ZCCHC14: variants seen among roughly 807,000 people sequenced by gnomAD.
The protein encoded by ZCCHC14 is zinc finger CCHC domain-containing protein 14.
In ZCCHC14, 16 loss-of-function variants were observed where a neutral mutation model predicts 85.0. The ratio of observed to expected loss-of-function variants is 0.19; its 90% CI spans 0.13 to 0.29. The LOEUF (loss-of-function observed/expected upper bound fraction) is 0.29. Ranked by LOEUF, ZCCHC14 falls within the 10% of genes least tolerant of loss-of-function variation. The pLI is 1.00. For missense variants in ZCCHC14, 1,303 were observed against 1,443.5 expected (o/e 0.90, Z 1.58); for synonymous variants, 775 against 630.7 (o/e 1.23, Z -3.43).
At position 87,407,877 on chromosome 16, in the gene ZCCHC14, C is replaced by T. The variant is rs1295602628; in HGVS notation, c.*2403G>A. The T allele has an allele frequency of 2.0e-5, 3 of 152,644 alleles. No individual in the cohort carries two copies. Among genetic ancestry groups the T allele is most frequent in the African/African-American group, 4.8e-5 (2 of 41,432 alleles). 9.5% of individuals were successfully genotyped at this position (152,644 alleles called of 1,614,324 possible). On this transcript the variant is annotated 3_prime_UTR_variant, in exon 13 of 13. Coordinates refer to ENST00000671377, the MANE Select transcript of ZCCHC14 (RefSeq NM_015144.3). ...AACTCTCAAGTCCAAGTGTGCGGCT[C>T]CCTCCGGAAAGAGGCCTCACGGATG...
chr16:87,491,521 T>C lies in ZCCHC14; in HGVS notation c.570+148A>G. 1.6e-6 allele frequency: 1 copy of C among 613,878 alleles called. No homozygotes were observed. Among genetic ancestry groups the C allele is most frequent in the Non-Finnish European group, 2.4e-6 (1 of 410,558 alleles). 38.0% of individuals were successfully genotyped at this position (613,878 alleles called of 1,614,324 possible). A position where few individuals can be genotyped will look rare whatever the true frequency, so the allele number is the denominator to read the frequency against. On this transcript the variant is annotated intron_variant, in intron 1 of 12. Coordinates refer to ENST00000671377, the MANE Select transcript of ZCCHC14 (RefSeq NM_015144.3). The surrounding 1 kb of genome is among the most constrained non-coding windows in gnomAD (Gnocchi z 5.9). ...GGGGCTTGGGATACGGGCTGGGGGCTCGTGGTGCAGGTTGGAGACCTGGGT... is the reference window on the plus strand; with the variant it reads ...GGGGCTTGGGATACGGGCTGGGGGCCCGTGGTGCAGGTTGGAGACCTGGGT...
chr16:87,429,936 G>C (rs1909566267), intron 3 of ZCCHC14, among the ~76,000 whole-genome samples: 1 of 152,172 alleles, frequency 6.6e-6, no homozygotes, highest in Admixed American at 6.5e-5. Flanking sequence ...AAAAAGTTTT[G>C]AGAATTCTTT....
At chr16:87,438,428 T>C (rs1163173736) in intron 2 of ZCCHC14, among the ~76,000 whole-genome samples, 1 of 152,268 alleles carries the variant, frequency 6.6e-6, no homozygotes, top group Non-Finnish European at 1.5e-5. Context: ...GCAATGTGTT[T>C]ACTTTTTTAG....
At chr16:87,489,139 G>C (rs140721447) in intron 1 of ZCCHC14, among the ~76,000 whole-genome samples, 2,505 of 152,324 alleles carry the variant, frequency 0.016, 23 homozygotes, top group Middle Eastern at 0.041. Flanking sequence ...ATCAACGTCA[G>C]CCTTAGCTTT....
At chr16:87,413,020 G>C (rs1031442453) in intron 11 of ZCCHC14, 35 bp downstream of exon 11, 1 of 1,613,928 alleles carries the variant, frequency 6.2e-7, no homozygotes, top group Non-Finnish European at 8.5e-7. Flanking sequence ...CCACAGCTGG[G>C]CCAGGTCGAG....
intron 2 of ZCCHC14, among the ~76,000 whole-genome samples, chr16:87,458,893 C>G (rs574517405): frequency 2.0e-5 from 3 of 152,272 alleles, no homozygotes; most frequent in Admixed American, 6.5e-5. Context: ...CACTGGAAAG[C>G]GCCACCCTGG....
At chr16:87,445,787 AG>A (rs1430860109) in intron 2 of ZCCHC14, among the ~76,000 whole-genome samples, 7 of 152,216 alleles carry the variant, frequency 4.6e-5, no homozygotes, top group African/African-American at 1.7e-4. Context: ...TTTCCAGAAC[AG>A]GGTTGTAGTG....
rs1197022975 is a variant in ZCCHC14 at position 87,412,118 on chromosome 16, G to C, written c.2603C>G (p.Ser868Cys). 6 of 1,613,744 alleles carry C rather than the reference G, an allele frequency of 3.7e-6. No individual in the cohort carries two copies. The highest frequency in any genetic ancestry group is 1.1e-5 in the South Asian group (1 of 91,088). The change falls in exon 12 of 13, where the codon TCC (serine) becomes TGC (cysteine). Residue 868 changes from serine to cysteine, a missense_variant. Physicochemically the swap from Ser to Cys is moderately radical, Grantham distance 112. Transcript: ENST00000671377. ...ATLPSCPAPS[S>C]SPALSSVPES... ...AGGGACGGAGGACAGCGCCGGGCTGGAGCTGGGGGCTGGGCAGCTGGGCAA... is the reference window on the plus strand; with the variant it reads ...AGGGACGGAGGACAGCGCCGGGCTGCAGCTGGGGGCTGGGCAGCTGGGCAA...
intron 3 of ZCCHC14, among the ~76,000 whole-genome samples, chr16:87,431,115 G>A (rs1355381133): frequency 6.6e-6 from 1 of 151,572 alleles, no homozygotes; most frequent in Non-Finnish European, 1.5e-5. Flanking sequence ...CTCCAGCCTG[G>A]TGACAGAGCA....
chr16:87,411,277 C>CACTGGCT, intron 12 of ZCCHC14: 1 of 1,241,602 alleles, frequency 8.1e-7, no homozygotes, highest in South Asian at 1.5e-5. Flanking sequence ...GCCCTGTCCA[C>CACTGGCT]ACTGGCTAAG....
At chr16:87,439,220 G>A (rs191812523) in intron 2 of ZCCHC14, among the ~76,000 whole-genome samples, 329 of 150,702 alleles carry the variant, frequency 2.2e-3, no homozygotes, top group Middle Eastern at 3.4e-3. Flanking sequence ...TGCAACCTCT[G>A]CCTCCGAGGT....
At chr16:87,440,437 T>C (rs1455555329) in intron 2 of ZCCHC14, among the ~76,000 whole-genome samples, 3 of 151,970 alleles carry the variant, frequency 2.0e-5, no homozygotes, top group South Asian at 2.1e-4. Flanking sequence ...AGTGCTGGGA[T>C]TACAGGCATG....
intron 3 of ZCCHC14, among the ~76,000 whole-genome samples, chr16:87,424,704 T>C (rs1229657441): frequency 6.6e-6 from 1 of 152,110 alleles, no homozygotes; most frequent in Non-Finnish European, 1.5e-5. Context: ...AGCGTACTTT[T>C]TGCACATTAG....
In ZCCHC14 at chr16:87,412,294, G is replaced by A. The variant is rs746271176; in HGVS notation, c.2427C>T (p.Pro809=). ...TGTTGGCTGTGTACAGAGCAGTCCG[G>A]GGGTTTATTATTGCAGGGGGCACAC... ...QISVPPAIIN[P]RTALYTANTK... is the part of the protein sequence containing the mutation. The change falls in exon 12 of 13, where the codon CCC becomes CCT. Residue 809 remains proline (P), a synonymous_variant. Transcript: ENST00000671377. 6.2e-6 allele frequency: 10 copies of A among 1,613,842 alleles called. No individual in the cohort carries two copies. The highest frequency in any genetic ancestry group is 7.6e-6 in the Non-Finnish European group (9 of 1,180,054).
Position 87,417,675 on chromosome 16 carries a change from C to T in ZCCHC14, c.1168G>A (p.Ala390Thr). ...TGAGGCAAGGGGGCGGCGGAGCCGG[C>T]CGGGTGCTGCCCGTGGTGCTGGGCT... is the stretch of plus-strand genomic sequence containing the variant. ...SGAQHHGQHP[A>T]GSAAPLPHCS... The change falls in exon 8 of 13, where the codon GCC (alanine) becomes ACC (threonine). Residue 390 changes from alanine (A) to threonine (T), a missense_variant. Ala to Thr is a moderately conservative substitution (Grantham distance 58). This residue lies in a region of ZCCHC14 where 389 missense variants were observed against 397.8 expected (regional missense o/e 0.98). Coordinates refer to ENST00000671377, the MANE Select transcript of ZCCHC14 (RefSeq NM_015144.3). 1 of 1,611,006 alleles carries T rather than the reference C, an allele frequency of 6.2e-7. No homozygotes were observed. The highest frequency in any genetic ancestry group is 8.5e-7 in the Non-Finnish European group (1 of 1,178,962).
intron 2 of ZCCHC14, among the ~76,000 whole-genome samples, chr16:87,455,193 C>A (rs1270571054): frequency 2.6e-5 from 4 of 152,130 alleles, no homozygotes; most frequent in African/African-American, 7.2e-5. Flanking sequence ...GAGGCTGAGG[C>A]AGGAGAATCA....
At chr16:87,418,434 T>C (rs1290134486) in intron 7 of ZCCHC14, among the ~76,000 whole-genome samples, 1 of 152,182 alleles carries the variant, frequency 6.6e-6, no homozygotes, top group Non-Finnish European at 1.5e-5. Context: ...TGTGCACTGA[T>C]CTGTGACAGC....
Position 87,492,856 on chromosome 16 carries a change from G to A in ZCCHC14, c.-618C>T, listed in dbSNP as rs947445885. Among the ~76,000 whole-genome samples, 1 of 148,346 alleles carries A rather than the reference G, an allele frequency of 6.7e-6. No individual in the cohort carries two copies. Among genetic ancestry groups the A allele is most frequent in the Non-Finnish European group, 1.5e-5 (1 of 66,534 alleles). On this transcript the variant is annotated 5_prime_UTR_variant, in exon 1 of 13. Coordinates refer to ENST00000671377, the MANE Select transcript of ZCCHC14 (RefSeq NM_015144.3). This position sits in a 1 kb window ranked among gnomAD's most constrained non-coding sequence, Gnocchi z 6.7. ...GCGGGAGGCGCGGAGGGATCCGGCC[G>A]GGACTTGCCGGCCTTGCTGCTCCCG...
At chr16:87,449,314 T>G (rs1283459688) in intron 2 of ZCCHC14, among the ~76,000 whole-genome samples, 2 of 152,188 alleles carry the variant, frequency 1.3e-5, no homozygotes, top group African/African-American at 4.8e-5. Context: ...CACTTTAATG[T>G]TCCTATCTCT....
Sources: gnomAD v4.1 joint callset for allele counts (sites outside exome capture counted in the v4.1 genomes callset) on GRCh38, gnomAD v4.1.1 for gene constraint, gnomAD v4.1.1 regional missense constraint, Gnocchi (gnomAD v3.1) non-coding constraint, MANE v1.5 for transcripts, NCBI Gene and HGNC (gene_info 2026-07-23, HGNC 2026-07-21) for gene names.